The following MBD5 variants were observed in gnomAD, a reference collection of about 807,000 sequenced individuals.
The protein encoded by MBD5 is methyl-CpG-binding domain protein 5.
Under a neutral mutation model 117.3 loss-of-function variants are expected in MBD5, and 13 were observed. The ratio of observed to expected loss-of-function variants is 0.11; its 90% confidence interval spans 0.07 to 0.18. MBD5 has a LOEUF of 0.18. Among genes scored for constraint, MBD5 ranks in the 10% least tolerant of loss-of-function variants. The probability of loss-of-function intolerance (pLI) is 1.00; values close to 1 mark genes in which losing one functional copy is unlikely to be tolerated. For missense variants in MBD5, 1,879 were observed against 2,093.8 expected, an observed-to-expected ratio of 0.90 and a Z score of 2.00; for synonymous variants, 727 against 766.4, an observed-to-expected ratio of 0.95 and a Z score of 0.85.
chr2:148,225,502 TAC>T (rs1382475555), intron 2 of MBD5, among the ~76,000 whole-genome samples: 1 of 152,174 alleles, frequency 6.6e-6, no homozygotes, highest in Non-Finnish European at 1.5e-5. Flanking sequence ...ACACCACAGT[TAC>T]AGTGTTATAA....
chr2:148,115,094 A>C (rs947509526), intron 1 of MBD5, among the ~76,000 whole-genome samples: 1 of 152,098 alleles, frequency 6.6e-6, no homozygotes, highest in Non-Finnish European at 1.5e-5. Context: ...GTTCTGTACA[A>C]GTTGCTTTTT....
chr2:148,138,370 T>G (rs1016908647), intron 1 of MBD5, among the ~76,000 whole-genome samples: 1 of 152,190 alleles, frequency 6.6e-6, no homozygotes, highest in Non-Finnish European at 1.5e-5. Flanking sequence ...TAGCCATAGA[T>G]TTCAGGCTTA....
At chr2:148,419,328 T>C (rs1186986849) in intron 4 of MBD5, among the ~76,000 whole-genome samples, 1 of 152,166 alleles carries the variant, frequency 6.6e-6, no homozygotes, top group African/African-American at 2.4e-5. Context: ...GCATTTGCTT[T>C]TTATATCTTT....
At chr2:148,215,616 G>A (rs1385238530) in intron 2 of MBD5, among the ~76,000 whole-genome samples, 2 of 151,672 alleles carry the variant, frequency 1.3e-5, no homozygotes, top group Non-Finnish European at 2.9e-5. Flanking sequence ...GGAACTCCAG[G>A]CCTCAGGTGA....
At chr2:148,294,501 GT>G (rs58961481) in intron 3 of MBD5, among the ~76,000 whole-genome samples, 2,621 of 113,216 alleles carry the variant, frequency 0.023, 65 homozygotes, top group Non-Finnish European at 0.032. Flanking sequence ...TGGGATTACA[GT>G]TTTTTTTTTT....
At chr2:148,105,221 CT>C (rs59445751) in intron 1 of MBD5, among the ~76,000 whole-genome samples, 117,126 of 130,062 alleles carry the variant, frequency 0.9, 52,833 homozygotes, top group East Asian at 0.98. Flanking sequence ...ACGTTTCTTT[CT>C]TTTTTTTTTT....
intron 1 of MBD5, among the ~76,000 whole-genome samples, chr2:148,082,239 C>T (rs190866535): frequency 6.6e-6 from 1 of 152,308 alleles, no homozygotes; most frequent in Non-Finnish European, 1.5e-5. Context: ...GCTTATACAA[C>T]AGCATCTTTT....
At chr2:148,511,192 A>G (rs1445204021) in intron 13 of MBD5, among the ~76,000 whole-genome samples, 2 of 152,206 alleles carry the variant, frequency 1.3e-5, no homozygotes, top group African/African-American at 4.8e-5. Flanking sequence ...AAGGTAAAAG[A>G]AAAGAGCGTG....
chr2:148,303,462 G>A (rs1490038492), intron 3 of MBD5, among the ~76,000 whole-genome samples: 1 of 152,114 alleles, frequency 6.6e-6, no homozygotes, highest in East Asian at 1.9e-4. Flanking sequence ...ACAAAGAGGA[G>A]TTTTCCAGTT....
chr2:148,284,308 A>G (rs1701321822), intron 3 of MBD5, among the ~76,000 whole-genome samples: 1 of 152,104 alleles, frequency 6.6e-6, no homozygotes, highest in Non-Finnish European at 1.5e-5. Context: ...AACCTTAAAT[A>G]TTGTCATTTT....
chr2:148,512,047 C>G (rs1470601905), intron 13 of MBD5, among the ~76,000 whole-genome samples: 2 of 152,180 alleles, frequency 1.3e-5, no homozygotes, highest in South Asian at 2.1e-4. Flanking sequence ...GGACTTGTGT[C>G]GAAATGCTGA....
chr2:148,510,075 T>C lies in MBD5; in HGVS notation c.5052T>C (p.Asn1684=), dbSNP rs766189817. The C allele has an allele frequency of 3.7e-6, 6 of 1,611,686 alleles. No individual in the cohort carries two copies. The highest frequency in any genetic ancestry group is 5.1e-6 in the Non-Finnish European group (6 of 1,178,092). The part of the protein sequence containing the change: ...RKRNRKSGKL[N]NHLEAAIHEA... ...TTAATTCCAGAAGTGGAAAGCTAAA[T>C]AACCATTTAGAAGCTGCTATTCATG... The change falls in exon 13 of 14, where the codon AAT becomes AAC. Residue 1684 remains asparagine (N), a synonymous_variant. Coordinates refer to ENST00000642680, the MANE Select transcript of MBD5 (RefSeq NM_001378120.1).
chr2:148,426,964 A>C (rs1180161105), intron 4 of MBD5, among the ~76,000 whole-genome samples: 2 of 152,090 alleles, frequency 1.3e-5, no homozygotes, highest in Non-Finnish European at 2.9e-5. Context: ...AGAAAAAAAC[A>C]AACAACCCCA....
In MBD5 at chr2:148,328,670, G is replaced by A. The variant is rs546526559; in HGVS notation, c.-679-13544G>A. On this transcript the variant is annotated intron_variant, in intron 3 of 13. Transcript: ENST00000642680. ...AACTCCCTGACCCCTTGCGCTTCCC[G>A]AGTGAGGCAATGCCTCACCCTGCTT... is the stretch of plus-strand genomic sequence containing the variant. Among the ~76,000 whole-genome samples the A allele has an allele frequency of 2.0e-4, 30 of 152,274 alleles. No individual in the cohort carries two copies. In the South Asian group the frequency reaches 3.3e-3, roughly 17 times the overall value.
intron 1 of MBD5, among the ~76,000 whole-genome samples, chr2:148,032,161 G>C (rs11896010): frequency 6.6e-6 from 1 of 151,676 alleles, no homozygotes; most frequent in African/African-American, 2.4e-5. Context: ...TTTCACAAAG[G>C]GTTTGCCAGT....
intron 2 of MBD5, among the ~76,000 whole-genome samples, chr2:148,197,807 TTTTTTTTTTTG>T (rs1477966070): frequency 1.8e-4 from 18 of 102,364 alleles, no homozygotes; most frequent in Admixed American, 6.1e-4. Flanking sequence ...TTTTTTTTTG[TTTTTTTTTTTG>T]TTTTTTTTTT....
chr2:148,413,893 A>T (rs1574398998), intron 4 of MBD5, among the ~76,000 whole-genome samples: 1 of 143,044 alleles, frequency 7.0e-6, no homozygotes, highest in African/African-American at 2.6e-5. Context: ...CAGTATATCA[A>T]TCTTACTTAT....
At chr2:148,382,408 T>C (rs549976574) in intron 4 of MBD5, among the ~76,000 whole-genome samples, 4 of 152,174 alleles carry the variant, frequency 2.6e-5, no homozygotes, top group Non-Finnish European at 4.4e-5. Flanking sequence ...GAACTAACTA[T>C]GCTAAATATA....
intron 4 of MBD5, among the ~76,000 whole-genome samples, chr2:148,404,127 GT>G (rs202097829): frequency 0.21 from 30,488 of 144,882 alleles, 3,730 homozygotes; most frequent in East Asian, 0.54. Flanking sequence ...AGCATTATGG[GT>G]TTTTTTTTTT....
Sources: gnomAD v4.1 joint callset for allele counts (sites outside exome capture counted in the v4.1 genomes callset) on GRCh38, gnomAD v4.1.1 for gene constraint, MANE v1.5 for transcripts, NCBI Gene and HGNC (gene_info 2026-07-23, HGNC 2026-07-21) for gene names.